Variants in NR2F1-AS1 observed in about 807,000 individuals in gnomAD.
NR2F1-AS1 encodes the protein NR2F1 antisense RNA 1.
At chr5:93,554,199 A>T (rs1441722621) in intron 3 of NR2F1-AS1, among the ~76,000 whole-genome samples, 3 of 152,184 alleles carry the variant, frequency 2.0e-5, no homozygotes, top group Non-Finnish European at 2.9e-5. Context: ...AAAACATGAA[A>T]GCATGCCAAC....
chr5:93,455,023 T>C (rs1749916331), intron 4 of NR2F1-AS1, among the ~76,000 whole-genome samples: 1 of 152,182 alleles, frequency 6.6e-6, no homozygotes, highest in Non-Finnish European at 1.5e-5. Context: ...AACAAATTAA[T>C]GAACCCAAGG....
chr5:93,581,504 G>A (rs910229181), upstream of NR2F1-AS1, among the ~76,000 whole-genome samples: 2 of 152,092 alleles, frequency 1.3e-5, no homozygotes, highest in Non-Finnish European at 2.9e-5. Context: ...TGCCTGCGGG[G>A]AGGGGAGGAG....
intron 4 of NR2F1-AS1, among the ~76,000 whole-genome samples, chr5:93,449,812 T>C (rs903504918): frequency 7.2e-5 from 11 of 152,132 alleles, no homozygotes; most frequent in Admixed American, 4.6e-4. Flanking sequence ...GAAATACCTA[T>C]TAGAGCAGCC....
chr5:93,442,775 C>T (rs1749601795), intron 4 of NR2F1-AS1, among the ~76,000 whole-genome samples: 1 of 152,236 alleles, frequency 6.6e-6, no homozygotes. Context: ...AGTAGCCTAA[C>T]TGGGAGACAC....
At chr5:93,467,187 C>T (rs983800276) in intron 4 of NR2F1-AS1, among the ~76,000 whole-genome samples, 21 of 152,260 alleles carry the variant, frequency 1.4e-4, no homozygotes, top group South Asian at 2.1e-4. Flanking sequence ...ATATCAATAT[C>T]GTGAAAATGT....
At chr5:93,491,289 G>A (rs140248010) in intron 4 of NR2F1-AS1, among the ~76,000 whole-genome samples, 3,821 of 150,690 alleles carry the variant, frequency 0.025, 77 homozygotes, top group South Asian at 0.053. Context: ...GGTGATAAGA[G>A]TGGTAGTGTT....
intron 4 of NR2F1-AS1, among the ~76,000 whole-genome samples, chr5:93,494,812 A>G (rs1419514330): frequency 6.6e-6 from 1 of 152,202 alleles, no homozygotes; most frequent in East Asian, 1.9e-4. Context: ...TAGCAGTATT[A>G]TTCATAACAG....
intron 4 of NR2F1-AS1, among the ~76,000 whole-genome samples, chr5:93,440,193 G>GTC (rs374272400): frequency 0.032 from 4,608 of 143,970 alleles, 149 homozygotes; most frequent in African/African-American, 0.084. Flanking sequence ...CTCTCTCTCT[G>GTC]TCTCTCTCTC....
At chr5:93,418,389 C>T (rs530690510) in intron 4 of NR2F1-AS1, among the ~76,000 whole-genome samples, 1 of 152,200 alleles carries the variant, frequency 6.6e-6, no homozygotes, top group Non-Finnish European at 1.5e-5. Context: ...GAGATTGAAA[C>T]CATCCTGGAC....
At chr5:93,548,741 C>T (rs1752152321) in intron 4 of NR2F1-AS1, among the ~76,000 whole-genome samples, 2 of 151,824 alleles carry the variant, frequency 1.3e-5, no homozygotes, top group Admixed American at 1.3e-4. Flanking sequence ...TGTAGTGGCA[C>T]ATGCCTGTAA....
intron 4 of NR2F1-AS1, among the ~76,000 whole-genome samples, chr5:93,443,016 C>T (rs530234416): frequency 5.9e-5 from 9 of 152,222 alleles, no homozygotes; most frequent in African/African-American, 1.9e-4. Context: ...ACAGAAAGGA[C>T]GTCCACACCA....
intron 1 of NR2F1-AS1, chr5:93,570,039 G>C (rs942264129): frequency 2.6e-5 from 4 of 152,120 alleles, no homozygotes; most frequent in Admixed American, 1.3e-4. Context: ...TGATGGCGCG[G>C]GACATATCAA....
chr5:93,470,242 T>C (rs1750338322), intron 4 of NR2F1-AS1, among the ~76,000 whole-genome samples: 1 of 151,932 alleles, frequency 6.6e-6, no homozygotes, highest in African/African-American at 2.4e-5. Context: ...TCCCAAATAA[T>C]GACAGCAAAA....
At chr5:93,465,024 G>T (rs1181882729) in intron 4 of NR2F1-AS1, among the ~76,000 whole-genome samples, 1 of 152,024 alleles carries the variant, frequency 6.6e-6, no homozygotes, top group African/African-American at 2.4e-5. Flanking sequence ...ACCTGCCTAA[G>T]AATTCTCCTG....
At chr5:93,500,610 C>G (rs2149885419) in intron 4 of NR2F1-AS1, among the ~76,000 whole-genome samples, 1 of 152,266 alleles carries the variant, frequency 6.6e-6, no homozygotes, top group South Asian at 2.1e-4. Flanking sequence ...GCCCATAGAT[C>G]AAGGAGTAAT....
chr5:93,469,835 G>T (rs967349684), intron 4 of NR2F1-AS1, among the ~76,000 whole-genome samples: 1 of 151,996 alleles, frequency 6.6e-6, no homozygotes. Flanking sequence ...CAATGCAAAA[G>T]GGTGACTATA....
At chr5:93,582,104 T>G (rs1182739538), upstream of NR2F1-AS1, among the ~76,000 whole-genome samples, 1 of 129,208 alleles carries the variant, frequency 7.7e-6, no homozygotes, top group Non-Finnish European at 1.6e-5. Context: ...CCCCCTTTTC[T>G]CTCTCCCTCT....
At chr5:93,500,527 C>T (rs1452253480) in intron 4 of NR2F1-AS1, among the ~76,000 whole-genome samples, 1 of 152,130 alleles carries the variant, frequency 6.6e-6, no homozygotes, top group Non-Finnish European at 1.5e-5. Context: ...ACCTGATCAC[C>T]CAAGAGCTCT....
At chr5:93,449,558 A>G (rs1465384545) in intron 4 of NR2F1-AS1, among the ~76,000 whole-genome samples, 1 of 152,194 alleles carries the variant, frequency 6.6e-6, no homozygotes, top group African/African-American at 2.4e-5. Context: ...CACCTTTGAA[A>G]ACTTTAGAGA....
Sources: allele counts gnomAD v4.1 joint callset (sites outside exome capture counted in the v4.1 genomes callset), GRCh38; gene constraint gnomAD v4.1.1; transcripts MANE v1.5; gene names NCBI Gene and HGNC (gene_info 2026-07-23, HGNC 2026-07-21).